The following TMEM38B variants were observed in gnomAD, a reference collection of about 807,000 sequenced individuals.
TMEM38B encodes trimeric intracellular cation channel type B.
Under a neutral mutation model 28.7 loss-of-function variants are expected in TMEM38B, and 24 were observed. The observed-to-expected ratio is 0.84, with a 90% CI of 0.61 to 1.18. TMEM38B has a LOEUF of 1.18. Among genes scored for constraint, TMEM38B ranks in the 50% most tolerant of loss-of-function variants. The pLI, the probability that TMEM38B is intolerant of heterozygous loss-of-function variation, is 0.00. For synonymous variants in TMEM38B, 131 were observed against 127.7 expected, an observed-to-expected ratio of 1.03 and a Z score of -0.17; for missense variants, 380 against 350.9, an observed-to-expected ratio of 1.08 and a Z score of -0.66.
At chr9:105,705,510 G>A in intron 1 of TMEM38B, 87 bp from the exon 2 acceptor site, 1 of 1,264,642 alleles carries the variant, frequency 7.9e-7, no homozygotes, top group Non-Finnish European at 1.1e-6. Context: ...AATTTAAGAA[G>A]TTTATTTGTT....
intron 2 of TMEM38B, among the ~76,000 whole-genome samples, chr9:105,715,003 TC>T (rs750478340): frequency 1.6e-4 from 25 of 152,326 alleles, no homozygotes; most frequent in Non-Finnish European, 2.9e-4. Context: ...TAAAATTTTT[TC>T]CCTGTTACAT....
At chr9:105,702,050 G>T (rs1356186265) in intron 1 of TMEM38B, among the ~76,000 whole-genome samples, 1 of 151,956 alleles carries the variant, frequency 6.6e-6, no homozygotes, top group Non-Finnish European at 1.5e-5. Flanking sequence ...CCCCATCTCT[G>T]AAAAAATTTA....
intron 1 of TMEM38B, among the ~76,000 whole-genome samples, chr9:105,696,999 G>A (rs531673308): frequency 1.3e-5 from 2 of 152,150 alleles, no homozygotes; most frequent in Non-Finnish European, 2.9e-5. Flanking sequence ...GCTAAGTATT[G>A]ATACTTGTAG....
Position 105,721,391 on chromosome 9 carries a change from G to A in TMEM38B, c.270-146G>A, listed in dbSNP as rs1836310987. 10 of 636,422 alleles carry A rather than the reference G, an allele frequency of 1.6e-5. No homozygotes were observed. In the South Asian group the frequency reaches 2.4e-4, roughly 16 times the overall value. The allele number at this position is 636,422 out of a possible 1,614,324, so 39.4% of individuals were successfully genotyped here. A position where few individuals can be genotyped will look rare whatever the true frequency, so the allele number is the denominator to read the frequency against. On this transcript the variant is annotated intron_variant, in intron 2 of 5. Transcript: ENST00000374692. Reference sequence around the variant, plus strand: ...AAAAAATTGCCTCCCTACCCAAGTTGTGCTTTTATTGAAATCAAGTTAAAT... The same window carrying A: ...AAAAAATTGCCTCCCTACCCAAGTTATGCTTTTATTGAAATCAAGTTAAAT...
chr9:105,766,821 A>G (rs1035529533), intron 5 of TMEM38B, among the ~76,000 whole-genome samples: 1 of 151,796 alleles, frequency 6.6e-6, no homozygotes, highest in Non-Finnish European at 1.5e-5. Context: ...TACATGTGCC[A>G]TGTTGGTGTG....
intron 5 of TMEM38B, chr9:105,760,042 T>G (rs1473089243): frequency 7.8e-7 from 1 of 1,280,794 alleles, no homozygotes; most frequent in Non-Finnish European, 1.1e-6. Context: ...AGAAAATTCT[T>G]TACTTCCAGC....
chr9:105,750,248 A>G (rs1380048764), intron 5 of TMEM38B, among the ~76,000 whole-genome samples: 1 of 151,874 alleles, frequency 6.6e-6, no homozygotes. Context: ...ATCTTACCAG[A>G]CTTAATGATT....
At chr9:105,724,226 A>T (rs772380543) in intron 4 of TMEM38B, among the ~76,000 whole-genome samples, 9 of 152,240 alleles carry the variant, frequency 5.9e-5, no homozygotes, top group Non-Finnish European at 1.2e-4. Context: ...TAATTCAAGA[A>T]GGAAAAGACT....
chr9:105,760,882 T>C (rs1004275357), intron 5 of TMEM38B: 13 of 550,798 alleles, frequency 2.4e-5, no homozygotes, highest in Admixed American at 1.1e-4. Flanking sequence ...TGTAAGGAAG[T>C]ACCAAAATAG....
At chr9:105,711,181 G>A (rs976840769) in intron 2 of TMEM38B, among the ~76,000 whole-genome samples, 11 of 152,092 alleles carry the variant, frequency 7.2e-5, no homozygotes, top group East Asian at 1.9e-4. Flanking sequence ...TAGCTCAGGC[G>A]TGTAATCCCA....
Position 105,744,995 on chromosome 9 carries a change from T to C in TMEM38B, c.543-3078T>C, listed in dbSNP as rs528982864. On this transcript the variant is annotated intron_variant, in intron 4 of 5. Transcript: ENST00000374692. ...CTTAATCCAGTCTATCATTGTTGGA[T>C]ATTTGGGTTGGTTCCAAGTCTTTGC... Among the ~76,000 whole-genome samples the C allele has an allele frequency of 4.1e-4, 63 of 152,240 alleles. No individual in the cohort carries two copies. In the South Asian group the frequency reaches 0.011, roughly 27 times the overall value.
At chr9:105,710,351 T>A in intron 2 of TMEM38B, 1 of 731,524 alleles carries the variant, frequency 1.4e-6, no homozygotes, top group Non-Finnish European at 2.4e-6. Flanking sequence ...ATTTCTAGGA[T>A]TATATGATCT....
intron 1 of TMEM38B, among the ~76,000 whole-genome samples, chr9:105,705,366 G>GT (rs1835615517): frequency 6.6e-6 from 1 of 152,186 alleles, no homozygotes; most frequent in African/African-American, 2.4e-5. Flanking sequence ...ACAGAACAGA[G>GT]TATTTTAAAG....
intron 1 of TMEM38B, among the ~76,000 whole-genome samples, chr9:105,704,282 A>G (rs1835569362): frequency 6.6e-6 from 1 of 152,156 alleles, no homozygotes; most frequent in South Asian, 2.1e-4. Flanking sequence ...CTATAATCCC[A>G]GCTACTTGGG....
At chr9:105,711,279 A>G (rs888742968) in intron 2 of TMEM38B, among the ~76,000 whole-genome samples, 13 of 151,944 alleles carry the variant, frequency 8.6e-5, no homozygotes, top group Non-Finnish European at 4.4e-5. Context: ...TGTCTCTACT[A>G]AAATTACAAA....
rs1826701797 is a variant in TMEM38B, at chr9:105,775,627, G to C, written c.*1547G>C. 6.6e-6 allele frequency: 1 copy of C among 152,012 alleles called. No homozygotes were observed. The highest frequency in any genetic ancestry group is 2.4e-5 in the African/African-American group (1 of 41,430). The allele number at this position is 152,012 out of a possible 1,614,324, so 9.4% of individuals were successfully genotyped here. On this transcript the variant is annotated 3_prime_UTR_variant, in exon 6 of 6. Transcript: ENST00000374692. ...AAGTTTTATTTTTAATATTGTGACA[G>C]AAAGCTTTAAGTATTTAAGAGCTCT... is the stretch of plus-strand genomic sequence containing the variant.
intron 2 of TMEM38B, among the ~76,000 whole-genome samples, 189 bp from the exon 3 acceptor site, chr9:105,721,348 A>G (rs545327661): frequency 6.6e-6 from 1 of 152,258 alleles, no homozygotes; most frequent in African/African-American, 2.4e-5. Context: ...GGCAGATGAC[A>G]TATGTTTCAT....
At chr9:105,704,944 A>G (rs1835602655) in intron 1 of TMEM38B, among the ~76,000 whole-genome samples, 1 of 151,630 alleles carries the variant, frequency 6.6e-6, no homozygotes, top group South Asian at 2.1e-4. Flanking sequence ...AAAAAAAGAG[A>G]TACCACAGAA....
intron 2 of TMEM38B, among the ~76,000 whole-genome samples, chr9:105,714,088 G>C (rs1391958847): frequency 8.1e-6 from 1 of 123,820 alleles, no homozygotes; most frequent in Non-Finnish European, 1.6e-5. Context: ...TACCCTCTCT[G>C]TTGAGAGCCG....
Sources: allele counts gnomAD v4.1 joint callset (sites outside exome capture counted in the v4.1 genomes callset), GRCh38; gene constraint gnomAD v4.1.1; transcripts MANE v1.5; gene names NCBI Gene and HGNC (gene_info 2026-07-23, HGNC 2026-07-21).